ARID5B: variants seen among roughly 807,000 people sequenced by gnomAD.
ARID5B encodes the protein AT-rich interactive domain-containing protein 5B.
Under a neutral mutation model 97.2 loss-of-function variants are expected in ARID5B, and 13 were observed. The ratio of observed to expected loss-of-function variants is 0.13; its 90% CI spans 0.09 to 0.21. The LOEUF is 0.21. Among genes scored for constraint, ARID5B ranks in the 10% least tolerant of loss-of-function variants. ARID5B has a pLI of 1.00. For synonymous variants in ARID5B, 556 were observed against 570.3 expected (o/e 0.97, Z 0.36); for missense variants, 1,210 against 1,465.3 (o/e 0.83, Z 2.84).
intron 8 of ARID5B, among the ~76,000 whole-genome samples, chr10:62,077,071 T>C (rs950921008): frequency 1.3e-5 from 2 of 152,216 alleles, no homozygotes; most frequent in African/African-American, 4.8e-5. Flanking sequence ...TTCTCTTCCA[T>C]CTACACTCCA....
At chr10:62,042,832 G>A (rs1839656481) in intron 4 of ARID5B, among the ~76,000 whole-genome samples, 1 of 151,130 alleles carries the variant, frequency 6.6e-6, no homozygotes, top group Non-Finnish European at 1.5e-5. Context: ...GGAGGATGGT[G>A]TGAACCTGGG....
chr10:61,999,134 C>T (rs1218410011), intron 3 of ARID5B, among the ~76,000 whole-genome samples: 1 of 152,190 alleles, frequency 6.6e-6, no homozygotes, highest in Admixed American at 6.5e-5. Context: ...GTGAGGCACA[C>T]AGGCTTTCCA....
intron 4 of ARID5B, among the ~76,000 whole-genome samples, chr10:62,021,793 GGT>G (rs1839359435): frequency 6.6e-6 from 1 of 152,142 alleles, no homozygotes; most frequent in African/African-American, 2.4e-5. Flanking sequence ...CAACCACTGT[GGT>G]GTTAATAGCT....
chr10:62,080,835 T>G (rs540260558), intron 8 of ARID5B, among the ~76,000 whole-genome samples: 19 of 152,058 alleles, frequency 1.2e-4, no homozygotes, highest in Non-Finnish European at 2.4e-4. Flanking sequence ...TTTTTTTTCT[T>G]TTTTTGAGAC....
chr10:62,092,497 A>G lies in ARID5B; in HGVS notation c.3034A>G (p.Ile1012Val). 4.3e-6 allele frequency: 7 copies of G among 1,614,214 alleles called. No individual in the cohort carries two copies. The highest frequency in any genetic ancestry group is 1.6e-4 in the Middle Eastern group (1 of 6,062). Residue 1012 changes from isoleucine (I) to valine (V), a missense_variant, in exon 10 of 10, where the codon ATC becomes GTC. Ile to Val is a conservative substitution (Grantham distance 29, BLOSUM62 3). Transcript: ENST00000279873. Reference protein sequence around the residue: ...SPQNIGAARPIKRSLEDLDLV... With the variant: ...SPQNIGAARPVKRSLEDLDLV... The stretch of plus-strand genomic sequence containing the variant: ...GCAGAACATTGGGGCGGCGCGGCCG[A>G]TCAAGCGCAGCCTGGAGGATTTGGA...
chr10:61,931,978 A>G (rs1844218052), intron 2 of ARID5B, among the ~76,000 whole-genome samples: 1 of 152,164 alleles, frequency 6.6e-6, no homozygotes, highest in Non-Finnish European at 1.5e-5. Flanking sequence ...TACTTACCAT[A>G]TGACTCAGCA....
In ARID5B at chr10:62,085,882, G is replaced by C; in HGVS notation, c.1380G>C (p.Lys460Asn). The change falls in exon 9 of 10, where the codon AAG (lysine) becomes AAC (asparagine). Residue 460 changes from lysine (K) to asparagine (N), a missense_variant. Lys to Asn is a moderately conservative substitution (Grantham distance 94). Transcript: ENST00000279873. ...AGAAAGAAAAAGAAAATGCCCCAAA[G>C]CCCCAGGATGCAGCAGAGGTGAGTT... The part of the protein sequence containing the change: ...KSKKEKENAP[K>N]PQDAAEVSSE... 1 of 1,613,032 alleles carries C rather than the reference G, an allele frequency of 6.2e-7. No individual in the cohort carries two copies. The highest frequency in any genetic ancestry group is 8.5e-7 in the Non-Finnish European group (1 of 1,179,856).
At chr10:61,999,047 G>C (rs1463399995) in intron 3 of ARID5B, among the ~76,000 whole-genome samples, 1 of 152,186 alleles carries the variant, frequency 6.6e-6, no homozygotes, top group African/African-American at 2.4e-5. Context: ...GTGGTACACT[G>C]GGTCTTAAAG....
At chr10:61,946,733 C>A (rs1186535043) in intron 3 of ARID5B, among the ~76,000 whole-genome samples, 1 of 152,098 alleles carries the variant, frequency 6.6e-6, no homozygotes, top group African/African-American at 2.4e-5. Context: ...TCAGCCTGGA[C>A]AACATAGTGA....
intron 3 of ARID5B, among the ~76,000 whole-genome samples, chr10:61,981,731 C>T (rs116113913): frequency 9.1e-4 from 139 of 152,262 alleles, no homozygotes; most frequent in African/African-American, 3.2e-3. Context: ...AGAGATGGAA[C>T]AAGTTCCTCA....
intron 4 of ARID5B, among the ~76,000 whole-genome samples, chr10:62,023,950 T>C (rs1839387458): frequency 6.6e-6 from 1 of 152,218 alleles, no homozygotes; most frequent in Non-Finnish European, 1.5e-5. Context: ...GATAGGCTTC[T>C]GTATCCACAC....
At chr10:61,937,216 C>G (rs1442401213) in intron 2 of ARID5B, among the ~76,000 whole-genome samples, 2 of 152,174 alleles carry the variant, frequency 1.3e-5, no homozygotes, top group African/African-American at 4.8e-5. Flanking sequence ...AAGAAGGCAG[C>G]TTCTATCAGT....
At chr10:62,067,330 G>A (rs181739953) in intron 7 of ARID5B, among the ~76,000 whole-genome samples, 14 of 152,284 alleles carry the variant, frequency 9.2e-5, no homozygotes, top group Middle Eastern at 3.4e-3. Context: ...TGATCCGCCC[G>A]CCTCGGCCTC....
chr10:61,944,184 A>T (rs966120727), intron 3 of ARID5B, among the ~76,000 whole-genome samples: 15 of 138,092 alleles, frequency 1.1e-4, no homozygotes, highest in Non-Finnish European at 1.4e-4. Context: ...TGAAGTTTAT[A>T]AAAAAAAAAG....
chr10:62,063,261 A>G (rs1045469516), intron 7 of ARID5B, among the ~76,000 whole-genome samples: 5 of 152,234 alleles, frequency 3.3e-5, no homozygotes, highest in Non-Finnish European at 5.9e-5. Context: ...AGATGAGTCA[A>G]GAAGTATGGA....
At chr10:62,034,273 T>C (rs1454459251) in intron 4 of ARID5B, among the ~76,000 whole-genome samples, 1 of 152,214 alleles carries the variant, frequency 6.6e-6, no homozygotes, top group Non-Finnish European at 1.5e-5. Context: ...TATAAGGTTT[T>C]GGAAGCACAT....
intron 4 of ARID5B, among the ~76,000 whole-genome samples, chr10:62,050,381 A>G (rs1405288429): frequency 1.3e-5 from 2 of 152,238 alleles, no homozygotes; most frequent in African/African-American, 4.8e-5. Flanking sequence ...CTCTATAGCT[A>G]TCTCTCTACT....
chr10:61,912,386 TG>T (rs141044398), intron 2 of ARID5B, among the ~76,000 whole-genome samples: 4,690 of 152,220 alleles, frequency 0.031, 233 homozygotes, highest in African/African-American at 0.11. Flanking sequence ...AGTACTGTAT[TG>T]TATACTTGAA....
intron 4 of ARID5B, among the ~76,000 whole-genome samples, chr10:62,010,216 G>T (rs10995003): frequency 1.3e-5 from 2 of 152,206 alleles, no homozygotes; most frequent in Admixed American, 1.3e-4. Flanking sequence ...CAGTGGTAAA[G>T]GAGTGAGGTG....
Sources: allele counts gnomAD v4.1 joint callset (sites outside exome capture counted in the v4.1 genomes callset), GRCh38; gene constraint gnomAD v4.1.1; transcripts MANE v1.5; gene names NCBI Gene and HGNC (gene_info 2026-07-23, HGNC 2026-07-21).